The following AGBL4 variants were observed in gnomAD, a reference collection of about 807,000 sequenced individuals.
AGBL4 encodes the protein AGBL carboxypeptidase 4.
In AGBL4, 58 loss-of-function variants were observed where a neutral mutation model predicts 66.4. The ratio of observed to expected loss-of-function variants is 0.87; its 90% CI spans 0.71 to 1.09. The LOEUF (loss-of-function observed/expected upper bound fraction) is 1.09. Among genes scored for constraint, AGBL4 ranks in the 50% least tolerant of loss-of-function variants. The pLI, the probability that AGBL4 is intolerant of heterozygous loss-of-function variation, is 0.00. For synonymous variants in AGBL4, 234 were observed against 222.9 expected (o/e 1.05, Z -0.44); for missense variants, 579 against 631.0 (o/e 0.92, Z 0.88).
intron 6 of AGBL4, among the ~76,000 whole-genome samples, chr1:48,709,140 T>C (rs1646924086): frequency 6.6e-6 from 1 of 152,208 alleles, no homozygotes; most frequent in Non-Finnish European, 1.5e-5. Context: ...GCTACTATGC[T>C]ATCAGTGACT....
At chr1:49,557,603 GA>G (rs1643935497) in intron 3 of AGBL4, among the ~76,000 whole-genome samples, 1 of 152,074 alleles carries the variant, frequency 6.6e-6, no homozygotes, top group African/African-American at 2.4e-5. Flanking sequence ...AACCAGAGGG[GA>G]ATCACTGTTT....
intron 1 of AGBL4, among the ~76,000 whole-genome samples, chr1:49,990,998 G>A (rs930973942): frequency 6.6e-6 from 1 of 151,988 alleles, no homozygotes; most frequent in African/African-American, 2.4e-5. Context: ...ACCTAATAGG[G>A]TCATTTGAGA....
intron 2 of AGBL4, among the ~76,000 whole-genome samples, chr1:49,766,000 C>G (rs372302544): frequency 6.6e-6 from 1 of 152,140 alleles, no homozygotes; most frequent in East Asian, 1.9e-4. Context: ...AATTAAACAA[C>G]TTGGAAAACA....
At chr1:49,743,789 G>A (rs1006425638) in intron 2 of AGBL4, among the ~76,000 whole-genome samples, 11 of 150,780 alleles carry the variant, frequency 7.3e-5, no homozygotes, top group South Asian at 4.2e-4. Context: ...CATTCTCAGC[G>A]AACTATCGCA....
intron 7 of AGBL4, 129 bp from the exon 8 acceptor site, chr1:48,653,580 G>C (rs1270094678): frequency 1.5e-6 from 1 of 652,814 alleles, no homozygotes; most frequent in Non-Finnish European, 2.7e-6. Flanking sequence ...GGCCACTGTG[G>C]GTGTGTGGTT....
chr1:48,840,162 T>C (rs1291119022), intron 6 of AGBL4, among the ~76,000 whole-genome samples: 1 of 152,144 alleles, frequency 6.6e-6, no homozygotes. Context: ...TTTCATGTTT[T>C]CACTGGGATA....
At chr1:49,260,874 A>C (rs1348168636) in intron 3 of AGBL4, among the ~76,000 whole-genome samples, 3 of 151,132 alleles carry the variant, frequency 2.0e-5, no homozygotes, top group Non-Finnish European at 4.4e-5. Flanking sequence ...ATTTTAGACC[A>C]ATATCCTTGA....
At chr1:49,947,116 C>T (rs1472139487) in intron 1 of AGBL4, among the ~76,000 whole-genome samples, 2 of 151,686 alleles carry the variant, frequency 1.3e-5, no homozygotes, top group Non-Finnish European at 2.9e-5. Context: ...ATCAGAAATT[C>T]AAAGAAGAAC....
At chr1:49,600,224 C>T (rs1644927996) in intron 3 of AGBL4, among the ~76,000 whole-genome samples, 1 of 152,134 alleles carries the variant, frequency 6.6e-6, no homozygotes, top group African/African-American at 2.4e-5. Flanking sequence ...TAAAGACTCC[C>T]ACTATTATTG....
chr1:49,049,049 A>C (rs979914959), intron 4 of AGBL4, among the ~76,000 whole-genome samples: 2 of 152,116 alleles, frequency 1.3e-5, no homozygotes, highest in African/African-American at 4.8e-5. Flanking sequence ...TTGGCCCACA[A>C]GGCTTCCTGT....
chr1:49,690,006 T>C (rs574130342), intron 3 of AGBL4, among the ~76,000 whole-genome samples: 58 of 152,208 alleles, frequency 3.8e-4, no homozygotes, highest in African/African-American at 1.3e-3. Flanking sequence ...TTTTAAGAAA[T>C]TGCCACAGCC....
chr1:49,914,224 T>A (rs775772012), intron 1 of AGBL4, among the ~76,000 whole-genome samples: 4 of 152,186 alleles, frequency 2.6e-5, no homozygotes, highest in Non-Finnish European at 5.9e-5. Flanking sequence ...TCCTCTCACA[T>A]CTCTCTGTAT....
At chr1:49,144,681 T>A (rs1202813365) in intron 4 of AGBL4, among the ~76,000 whole-genome samples, 3 of 152,024 alleles carry the variant, frequency 2.0e-5, no homozygotes, top group Non-Finnish European at 4.4e-5. Flanking sequence ...TAGACAATGA[T>A]AATTTGATGA....
At chr1:49,720,207 C>T (rs1648493929) in intron 2 of AGBL4, among the ~76,000 whole-genome samples, 1 of 152,036 alleles carries the variant, frequency 6.6e-6, no homozygotes, top group Non-Finnish European at 1.5e-5. Flanking sequence ...CCAAAAAATG[C>T]TCACAAATCC....
At chr1:48,882,950 T>C (rs1048299940) in intron 5 of AGBL4, among the ~76,000 whole-genome samples, 17 of 152,238 alleles carry the variant, frequency 1.1e-4, no homozygotes, top group Non-Finnish European at 2.9e-5. Context: ...CAGGAGTTCC[T>C]TCTTTTTAAA....
intron 3 of AGBL4, among the ~76,000 whole-genome samples, chr1:49,546,183 A>G (rs1652466385): frequency 6.6e-6 from 1 of 152,138 alleles, no homozygotes; most frequent in Non-Finnish European, 1.5e-5. Flanking sequence ...AATCTCATCT[A>G]ACCCAGGTCA....
intron 5 of AGBL4, among the ~76,000 whole-genome samples, chr1:49,006,562 C>A (rs548766041): frequency 6.6e-6 from 1 of 152,170 alleles, no homozygotes; most frequent in African/African-American, 2.4e-5. Context: ...GTAGGCTCCA[C>A]CTCTGGGGGC....
chr1:48,728,169 G>T, intron 6 of AGBL4: 1 of 820,524 alleles, frequency 1.2e-6, no homozygotes, highest in Non-Finnish European at 1.9e-6. Flanking sequence ...ATCTGGCATA[G>T]CTATATTTTA....
At position 48,722,349 on chromosome 1, in the gene AGBL4, A is replaced by T. The variant is rs573764990; in HGVS notation, c.635-59108T>A. Among the ~76,000 whole-genome samples, 5 of 152,320 alleles carry T rather than the reference A, an allele frequency of 3.3e-5. No homozygotes were observed. The South Asian group carries it at 6.2e-4, about 19-fold the overall frequency. On this transcript the variant is annotated intron_variant, in intron 6 of 13. Coordinates refer to ENST00000371839, the MANE Select transcript of AGBL4 (RefSeq NM_032785.4). ...TGGGGAGGACTAAAGAGCTGTTAAG[A>T]TTAAAAAGGAGAGGAAAATAAGAAC...
Sources: allele counts gnomAD v4.1 joint callset (sites outside exome capture counted in the v4.1 genomes callset), GRCh38; gene constraint gnomAD v4.1.1; transcripts MANE v1.5; gene names NCBI Gene and HGNC (gene_info 2026-07-23, HGNC 2026-07-21).